The following SHISA9 variants were observed in gnomAD, a reference collection of about 807,000 sequenced individuals.
The protein encoded by SHISA9 is protein shisa-9.
Under a neutral mutation model 38.0 loss-of-function variants are expected in SHISA9, and 13 were observed. That is an observed-to-expected ratio of 0.34 (90% confidence interval 0.22 to 0.54). The LOEUF is 0.54. Ranked by LOEUF, SHISA9 falls within the 20% of genes least tolerant of loss-of-function variation. The pLI is 0.91. For missense variants in SHISA9, 538 were observed against 575.8 expected (o/e 0.93, Z 0.67); for synonymous variants, 275 against 242.0 (o/e 1.14, Z -1.27).
chr16:13,342,115 A>C, the SHISA9 span, among the ~76,000 whole-genome samples: 1 of 151,208 alleles, frequency 6.6e-6, no homozygotes, highest in African/African-American at 2.5e-5. Flanking sequence ...AAGATGCCTA[A>C]AACTCTTTTC....
chr16:13,086,698 C>T (rs2073714283), intron 2 of SHISA9, among the ~76,000 whole-genome samples: 2 of 152,048 alleles, frequency 1.3e-5, no homozygotes, highest in East Asian at 3.9e-4. Flanking sequence ...CATGTCAAGG[C>T]AAAGAGATGT....
the SHISA9 span, among the ~76,000 whole-genome samples, chr16:13,308,190 C>T: frequency 6.9e-6 from 1 of 145,676 alleles, no homozygotes; most frequent in South Asian, 2.2e-4. Context: ...CTTTCTAACG[C>T]ACACGACATC....
At chr16:13,142,089 T>C (rs1482557552) in intron 2 of SHISA9, among the ~76,000 whole-genome samples, 1 of 152,218 alleles carries the variant, frequency 6.6e-6, no homozygotes, top group African/African-American at 2.4e-5. Context: ...GTGTCCCCAT[T>C]CTAGGAGCAT....
the SHISA9 span, among the ~76,000 whole-genome samples, chr16:13,265,563 C>T: frequency 7.9e-6 from 1 of 126,730 alleles, no homozygotes; most frequent in Non-Finnish European, 1.7e-5. Flanking sequence ...CCTCCACTCC[C>T]CTACCTTCAC....
the SHISA9 span, among the ~76,000 whole-genome samples, chr16:13,347,675 A>G: frequency 6.6e-6 from 1 of 152,140 alleles, no homozygotes; most frequent in Non-Finnish European, 1.5e-5. Context: ...GGGGCCCCTG[A>G]TTGACATAAG....
chr16:13,376,955 G>T, the SHISA9 span, among the ~76,000 whole-genome samples: 6 of 152,148 alleles, frequency 3.9e-5, no homozygotes, highest in African/African-American at 1.2e-4. Flanking sequence ...GGCATTACAG[G>T]CATAATCCAT....
At chr16:13,412,109 AC>A in the SHISA9 span, among the ~76,000 whole-genome samples, 2 of 151,594 alleles carry the variant, frequency 1.3e-5, no homozygotes, top group African/African-American at 4.9e-5. Flanking sequence ...GAATGTAAGT[AC>A]AGAAAGGGAC....
At chr16:12,998,204 A>T (rs895255624) in intron 2 of SHISA9, among the ~76,000 whole-genome samples, 3 of 152,254 alleles carry the variant, frequency 2.0e-5, no homozygotes, top group Admixed American at 6.5e-5. Context: ...AGAGGAACAT[A>T]TAGGGAAGCA....
At chr16:13,316,029 G>A in the SHISA9 span, among the ~76,000 whole-genome samples, 129 of 151,174 alleles carry the variant, frequency 8.5e-4, 1 homozygote, top group African/African-American at 3.0e-3. Context: ...AAAAAAAAGA[G>A]AGAGAGCTTC....
the SHISA9 span, among the ~76,000 whole-genome samples, chr16:13,334,341 T>G: frequency 6.6e-6 from 1 of 152,220 alleles, no homozygotes; most frequent in Non-Finnish European, 1.5e-5. Context: ...TGGCTGACTA[T>G]GAGAAGAAAC....
the SHISA9 span, among the ~76,000 whole-genome samples, chr16:13,530,072 G>A: frequency 6.6e-6 from 1 of 152,216 alleles, no homozygotes; most frequent in South Asian, 2.1e-4. Context: ...GCCAAGGTGG[G>A]TGGACCACTT....
chr16:12,901,699 G>A lies in SHISA9; in HGVS notation c.-366G>A. Reference sequence around the variant, plus strand: ...AGGGGCGGCCAGTCCGGGGCTGCCGGCCAAGGCTAGGCGCTGCCAGCCCGA... The same window carrying A: ...AGGGGCGGCCAGTCCGGGGCTGCCGACCAAGGCTAGGCGCTGCCAGCCCGA... On this transcript the variant is annotated 5_prime_UTR_variant, in exon 1 of 5. Transcript: ENST00000558583. 6.6e-6 allele frequency: 1 copy of A among 150,962 alleles called. No homozygotes were observed. The highest frequency in any genetic ancestry group is 1.5e-5 in the Non-Finnish European group (1 of 67,774). 9.4% of individuals were successfully genotyped at this position (150,962 alleles called of 1,614,324 possible).
At chr16:13,198,907 T>C (rs1596724386) in intron 2 of SHISA9, among the ~76,000 whole-genome samples, 1 of 152,204 alleles carries the variant, frequency 6.6e-6, no homozygotes, top group South Asian at 2.1e-4. Flanking sequence ...GGTGGGGTAT[T>C]ATGGTTGTGT....
At chr16:13,333,814 C>T in the SHISA9 span, among the ~76,000 whole-genome samples, 5 of 152,268 alleles carry the variant, frequency 3.3e-5, no homozygotes, top group South Asian at 8.3e-4. Context: ...GGGGGAATTT[C>T]TCCAGTGCCC....
chr16:13,547,548 A>G, the SHISA9 span, among the ~76,000 whole-genome samples: 135 of 152,214 alleles, frequency 8.9e-4, 1 homozygote, highest in Non-Finnish European at 1.7e-3. Context: ...TCCTAGCTCA[A>G]GAAGAGAGAG....
Position 12,902,042 on chromosome 16 carries a change from C to T in SHISA9, c.-23C>T. On this transcript the variant is annotated 5_prime_UTR_variant, in exon 1 of 5. Coordinates refer to ENST00000558583, the MANE Select transcript of SHISA9 (RefSeq NM_001145204.3). Reference sequence around the variant, plus strand: ...AGAGGCTCCAGCGGCGGCCGAGCGGCCGAGCCCGGGCTGGGAGACACCATG... The same window carrying T: ...AGAGGCTCCAGCGGCGGCCGAGCGGTCGAGCCCGGGCTGGGAGACACCATG... 1 of 1,446,648 alleles carries T rather than the reference C, an allele frequency of 6.9e-7. No individual in the cohort carries two copies. 89.6% of individuals were successfully genotyped at this position (1,446,648 alleles called of 1,614,324 possible).
chr16:13,188,063 C>G (rs1240550715), intron 2 of SHISA9, among the ~76,000 whole-genome samples: 2 of 152,146 alleles, frequency 1.3e-5, no homozygotes, highest in Non-Finnish European at 2.9e-5. Context: ...AAAGCTGAGC[C>G]TCATTTTTCT....
intron 3 of SHISA9, among the ~76,000 whole-genome samples, chr16:13,207,199 G>C (rs761264070): frequency 1.6e-4 from 24 of 152,146 alleles, no homozygotes; most frequent in Non-Finnish European, 2.8e-4. Flanking sequence ...GGGACGCGGA[G>C]GTTGCAGTGA....
At chr16:13,026,005 A>C (rs1452876634) in intron 2 of SHISA9, among the ~76,000 whole-genome samples, 1 of 152,116 alleles carries the variant, frequency 6.6e-6, no homozygotes, top group South Asian at 2.1e-4. Context: ...GGGTTTCTCC[A>C]TGTTGGTCAG....
Sources: allele counts gnomAD v4.1 joint callset (sites outside exome capture counted in the v4.1 genomes callset), GRCh38; gene constraint gnomAD v4.1.1; transcripts MANE v1.5; gene names NCBI Gene and HGNC (gene_info 2026-07-23, HGNC 2026-07-21).